CAMTA1: variants seen among roughly 807,000 people sequenced by gnomAD.
The protein encoded by CAMTA1 is calmodulin binding transcription activator 1, also known as calmodulin-binding transcription activator 1.
In CAMTA1, 27 loss-of-function variants were observed where a neutral mutation model predicts 170.9. The ratio of observed to expected loss-of-function variants is 0.16; its 90% CI spans 0.12 to 0.22. CAMTA1 has a LOEUF of 0.22. Ranked by LOEUF, CAMTA1 falls within the 10% of genes least tolerant of loss-of-function variation. The probability of loss-of-function intolerance (pLI) is 1.00; values close to 1 mark genes in which losing one functional copy is unlikely to be tolerated. For missense variants in CAMTA1, 1,619 were observed against 2,217.2 expected, an observed-to-expected ratio of 0.73 and a Z score of 5.42; for synonymous variants, 833 against 891.5, an observed-to-expected ratio of 0.93 and a Z score of 1.17.
intron 7 of CAMTA1, among the ~76,000 whole-genome samples, chr1:7,643,531 CAGGAATGCCACCTCCAGGCTGGGTGGG>C (rs2095782348): frequency 6.6e-6 from 1 of 152,234 alleles, no homozygotes; most frequent in Non-Finnish European, 1.5e-5. Flanking sequence ...ATCCATCAGA[CAGGAATGCCACCTCCAGGCTGGGTGGG>C]AGGAATTAGG....
At position 7,588,385 on chromosome 1, in the gene CAMTA1, G is replaced by A. The variant is rs1164841564; in HGVS notation, c.511-52015G>A. Among the ~76,000 whole-genome samples, 1 of 152,172 alleles carries A rather than the reference G, an allele frequency of 6.6e-6. No individual in the cohort carries two copies. The highest frequency in any genetic ancestry group is 2.4e-5 in the African/African-American group (1 of 41,446). On this transcript the variant is annotated intron_variant, in intron 6 of 22. Coordinates refer to ENST00000303635, the MANE Select transcript of CAMTA1 (RefSeq NM_015215.4). The surrounding 1 kb of genome is among the most constrained non-coding windows in gnomAD (Gnocchi z 5.8). ...ACACAGTCGGGATGGTCCGGGCGGG[G>A]GATGGCCCCAGGGGCTCAGGAGGCC...
At chr1:7,354,181 T>C (rs1469904559) in intron 5 of CAMTA1, among the ~76,000 whole-genome samples, 1 of 151,404 alleles carries the variant, frequency 6.6e-6, no homozygotes, top group African/African-American at 2.4e-5. Context: ...CAGAGTCTTG[T>C]TCTGTCGCCC....
intron 22 of CAMTA1, among the ~76,000 whole-genome samples, chr1:7,758,094 A>G (rs1344979816): frequency 6.6e-6 from 1 of 152,182 alleles, no homozygotes; most frequent in Non-Finnish European, 1.5e-5. Flanking sequence ...TGCATGCCCT[A>G]GTGTTCAGTT....
At chr1:7,613,265 C>T (rs2095535836) in intron 6 of CAMTA1, among the ~76,000 whole-genome samples, 1 of 152,246 alleles carries the variant, frequency 6.6e-6, no homozygotes, top group African/African-American at 2.4e-5. Flanking sequence ...CACTGACCCC[C>T]TCCCGACACC....
intron 4 of CAMTA1, among the ~76,000 whole-genome samples, chr1:7,223,569 A>G (rs1226991386): frequency 6.6e-6 from 1 of 152,178 alleles, no homozygotes; most frequent in African/African-American, 2.4e-5. Flanking sequence ...CTAGGGCCTC[A>G]GAACACCAGC....
chr1:7,011,656 A>G (rs1379910498), intron 3 of CAMTA1, among the ~76,000 whole-genome samples: 7 of 152,112 alleles, frequency 4.6e-5, no homozygotes, highest in Admixed American at 4.6e-4. Flanking sequence ...TACTTCCTTC[A>G]TGACGTTTAT....
chr1:7,209,877 G>T (rs1658439547), intron 4 of CAMTA1, among the ~76,000 whole-genome samples: 2 of 152,284 alleles, frequency 1.3e-5, no homozygotes, highest in South Asian at 2.1e-4. Context: ...ATAAAATGAA[G>T]AATTCCCATA....
intron 11 of CAMTA1, among the ~76,000 whole-genome samples, chr1:7,692,931 G>A (rs552092565): frequency 3.2e-4 from 49 of 152,324 alleles, no homozygotes; most frequent in Admixed American, 2.9e-3. Context: ...TTGAGTGTCC[G>A]GGAGGTGTGA....
At chr1:7,141,991 C>T in intron 4 of CAMTA1, 4 of 455,202 alleles carry the variant, frequency 8.8e-6, no homozygotes, top group Non-Finnish European at 1.8e-5. Flanking sequence ...TCTGACTTCC[C>T]CTGCTTTTTT....
In CAMTA1 at chr1:7,122,413, C is replaced by T. The variant is rs74918370; in HGVS notation, c.302+31042C>T. ...GTGAAATGTAAGGAGTGTGCATATT[C>T]GTAGGGGGTGCCTGGCGATCAGAGC... On this transcript the variant is annotated intron_variant, in intron 4 of 22. Transcript: ENST00000303635. Among the ~76,000 whole-genome samples, 14 of 151,992 alleles carry T rather than the reference C, an allele frequency of 9.2e-5. 1 individual carries two copies. In the East Asian group the frequency reaches 2.1e-3, roughly 23 times the overall value.
intron 3 of CAMTA1, among the ~76,000 whole-genome samples, chr1:6,952,927 C>T (rs927702658): frequency 6.6e-6 from 1 of 152,142 alleles, no homozygotes; most frequent in African/African-American, 2.4e-5. Context: ...CAGGGATCCC[C>T]CGGATCTCAT....
chr1:7,127,107 G>C (rs747952267), intron 4 of CAMTA1, among the ~76,000 whole-genome samples: 1 of 152,148 alleles, frequency 6.6e-6, no homozygotes, highest in Non-Finnish European at 1.5e-5. Context: ...GCAGCATGGG[G>C]CCTGGGAGAC....
At chr1:7,480,072 A>G (rs1156937790) in intron 6 of CAMTA1, among the ~76,000 whole-genome samples, 1 of 148,830 alleles carries the variant, frequency 6.7e-6, no homozygotes, top group Non-Finnish European at 1.5e-5. Flanking sequence ...TGTTTGTGTG[A>G]GTGCATGTGT....
At chr1:7,526,159 A>T in intron 6 of CAMTA1, among the ~76,000 whole-genome samples, 1 of 152,088 alleles carries the variant, frequency 6.6e-6, no homozygotes, top group Non-Finnish European at 1.5e-5. Flanking sequence ...TGTCACTGCA[A>T]GCAGAAGGAG....
chr1:7,601,545 C>T (rs982267313), intron 6 of CAMTA1, among the ~76,000 whole-genome samples: 200 of 152,252 alleles, frequency 1.3e-3, no homozygotes, highest in African/African-American at 3.8e-3. Context: ...GGGTGGCGGC[C>T]GGGCAGAGGC....
At chr1:7,061,221 G>A (rs981318503) in intron 3 of CAMTA1, among the ~76,000 whole-genome samples, 6 of 152,186 alleles carry the variant, frequency 3.9e-5, no homozygotes, top group African/African-American at 1.4e-4. Flanking sequence ...CCCCCTCCAC[G>A]CCAGGGGCGA....
At chr1:7,607,379 A>T (rs879701119) in intron 6 of CAMTA1, among the ~76,000 whole-genome samples, 1 of 146,206 alleles carries the variant, frequency 6.8e-6, no homozygotes, top group Admixed American at 6.7e-5. Context: ...AGATGGATGG[A>T]TGGGTGAATA....
intron 7 of CAMTA1, among the ~76,000 whole-genome samples, chr1:7,644,359 A>T (rs1196743833): frequency 6.6e-6 from 1 of 152,218 alleles, no homozygotes; most frequent in Non-Finnish European, 1.5e-5. Flanking sequence ...AATTCCCAGG[A>T]CATTCCCAGA....
At chr1:7,276,351 C>A (rs1670725023) in intron 5 of CAMTA1, among the ~76,000 whole-genome samples, 1 of 119,364 alleles carries the variant, frequency 8.4e-6, no homozygotes, top group Non-Finnish European at 1.7e-5. Context: ...GCTCTGTCAC[C>A]CAGGCTGGAG....
Sources: allele counts gnomAD v4.1 joint callset (sites outside exome capture counted in the v4.1 genomes callset), GRCh38; gene constraint gnomAD v4.1.1; non-coding constraint Gnocchi (gnomAD v3.1); transcripts MANE v1.5; gene names NCBI Gene and HGNC (gene_info 2026-07-23, HGNC 2026-07-21).